The following PACSIN2 variants were observed in gnomAD, a reference collection of about 807,000 sequenced individuals.
PACSIN2 encodes protein kinase C and casein kinase substrate in neurons protein 2.
Under a neutral mutation model 63.8 loss-of-function variants are expected in PACSIN2, and 25 were observed. The observed-to-expected ratio is 0.39, with a 90% CI of 0.29 to 0.55. The LOEUF (loss-of-function observed/expected upper bound fraction) is 0.55, where lower values mean the gene tolerates loss of function less well. Ranked by LOEUF, PACSIN2 falls within the 20% of genes least tolerant of loss-of-function variation. PACSIN2 has a pLI of 0.62. For missense variants in PACSIN2, 518 were observed against 646.9 expected, an observed-to-expected ratio of 0.80 and a Z score of 2.16; for synonymous variants, 255 against 256.2, an observed-to-expected ratio of 1.00 and a Z score of 0.05.
chr22:42,892,767 G>A (rs994541542), intron 3 of PACSIN2, among the ~76,000 whole-genome samples: 12 of 152,180 alleles, frequency 7.9e-5, no homozygotes, highest in Non-Finnish European at 1.6e-4. Context: ...ATTGGCTGAG[G>A]ACAGCTGGGG....
intron 1 of PACSIN2, among the ~76,000 whole-genome samples, chr22:42,999,592 C>A (rs187273763): frequency 6.6e-6 from 1 of 152,130 alleles, no homozygotes; most frequent in East Asian, 1.9e-4. Context: ...CGCTTGAACC[C>A]GGGACGCGGA....
At chr22:42,970,758 A>G (rs1302090716) in intron 1 of PACSIN2, among the ~76,000 whole-genome samples, 1 of 152,230 alleles carries the variant, frequency 6.6e-6, no homozygotes, top group African/African-American at 2.4e-5. Flanking sequence ...GCACCTGGAA[A>G]GGAAGGCAGG....
At chr22:42,917,143 G>A (rs1295976081) in intron 1 of PACSIN2, among the ~76,000 whole-genome samples, 1 of 152,124 alleles carries the variant, frequency 6.6e-6, no homozygotes, top group Non-Finnish European at 1.5e-5. Flanking sequence ...TAGCGGTTTC[G>A]CCATGGGCAT....
intron 1 of PACSIN2, among the ~76,000 whole-genome samples, chr22:42,976,355 G>A (rs114363819): frequency 0.036 from 5,506 of 152,314 alleles, 129 homozygotes; most frequent in African/African-American, 0.061. Flanking sequence ...ACTGGCAAGC[G>A]CAGGCCTTAA....
intron 1 of PACSIN2, among the ~76,000 whole-genome samples, chr22:42,979,294 C>T (rs996609946): frequency 6.6e-6 from 1 of 152,072 alleles, no homozygotes; most frequent in African/African-American, 2.4e-5. Flanking sequence ...GAGGCAGAGG[C>T]AGGTGGATCA....
intron 1 of PACSIN2, among the ~76,000 whole-genome samples, chr22:42,943,829 A>C (rs953940522): frequency 6.6e-6 from 1 of 152,236 alleles, no homozygotes; most frequent in Non-Finnish European, 1.5e-5. Context: ...GGAAAACATG[A>C]ATGTGTCCAA....
At chr22:42,876,438 A>C (rs1863290052) in intron 9 of PACSIN2, 105 bp from the exon 10 acceptor site, 1 of 923,432 alleles carries the variant, frequency 1.1e-6, no homozygotes, top group Non-Finnish European at 1.7e-6. Flanking sequence ...CTCAGGGCTG[A>C]GGGCTCCTTC....
intron 1 of PACSIN2, among the ~76,000 whole-genome samples, chr22:42,947,269 C>T (rs939476310): frequency 1.3e-5 from 2 of 152,144 alleles, no homozygotes; most frequent in African/African-American, 4.8e-5. Flanking sequence ...AGGCCACCTT[C>T]GAGGTCTGCT....
intron 1 of PACSIN2, among the ~76,000 whole-genome samples, chr22:42,981,647 T>G (rs1302619426): frequency 6.5e-4 from 40 of 61,578 alleles, no homozygotes; most frequent in African/African-American, 7.2e-4. Flanking sequence ...GGGAGGGAGG[T>G]GGGGGGGTCA....
chr22:42,936,165 A>G (rs1050653066), intron 1 of PACSIN2, among the ~76,000 whole-genome samples: 2 of 151,828 alleles, frequency 1.3e-5, no homozygotes, highest in Non-Finnish European at 2.9e-5. Flanking sequence ...GCAGTGAGCC[A>G]AGATTGCGCC....
chr22:42,919,772 C>CAAAAAAAAA (rs761464603), intron 1 of PACSIN2, among the ~76,000 whole-genome samples: 8 of 48,778 alleles, frequency 1.6e-4, no homozygotes, highest in African/African-American at 3.1e-4. Context: ...GAACCTGTCT[C>CAAAAAAAAA]AAAAAAAAAA....
At chr22:42,936,385 A>C (rs1932919032) in intron 1 of PACSIN2, among the ~76,000 whole-genome samples, 1 of 152,104 alleles carries the variant, frequency 6.6e-6, no homozygotes, top group Admixed American at 6.5e-5. Context: ...GTGGAAGGAG[A>C]TGGAGCAGAA....
intron 10 of PACSIN2, among the ~76,000 whole-genome samples, chr22:42,872,056 G>A (rs79192562): frequency 0.011 from 1,610 of 152,320 alleles, 29 homozygotes; most frequent in African/African-American, 0.036. Context: ...AGCCCCTGGC[G>A]CTGTTCTGGA....
At chr22:42,919,963 C>T (rs1003327233) in intron 1 of PACSIN2, among the ~76,000 whole-genome samples, 4 of 150,886 alleles carry the variant, frequency 2.7e-5, no homozygotes, top group African/African-American at 9.7e-5. Flanking sequence ...GAAAAATTAG[C>T]CAGGGGTGGT....
intron 1 of PACSIN2, among the ~76,000 whole-genome samples, chr22:43,010,398 A>ATATATATATATATATTTTTTT: frequency 0.04 from 5,022 of 125,884 alleles, 211 homozygotes; most frequent in Non-Finnish European, 0.06. Flanking sequence ...ATATATATAT[A>ATATATATATATATATTTTTTT]TTTTTTTTTA....
chr22:42,992,053 T>C (rs151146297), intron 1 of PACSIN2, among the ~76,000 whole-genome samples: 7 of 152,180 alleles, frequency 4.6e-5, no homozygotes, highest in African/African-American at 1.4e-4. Context: ...CAAAAGATAC[T>C]GTTAAAAGAA....
chr22:43,007,374 C>T (rs896979142), intron 1 of PACSIN2, among the ~76,000 whole-genome samples: 2 of 152,136 alleles, frequency 1.3e-5, no homozygotes, highest in African/African-American at 4.8e-5. Flanking sequence ...AACCACCACG[C>T]CCAGCTAATT....
chr22:43,007,254 T>C (rs946932869), intron 1 of PACSIN2, among the ~76,000 whole-genome samples: 6 of 150,856 alleles, frequency 4.0e-5, no homozygotes. Flanking sequence ...TCTCGCTCTG[T>C]CACCCAGGCT....
chr22:42,914,761 A>G (rs1230448531), intron 1 of PACSIN2, among the ~76,000 whole-genome samples: 1 of 152,198 alleles, frequency 6.6e-6, no homozygotes, highest in East Asian at 1.9e-4. Context: ...CCGGACTGAG[A>G]GGCAGCTTGA....
Sources: gnomAD v4.1 joint callset for allele counts (sites outside exome capture counted in the v4.1 genomes callset) on GRCh38, gnomAD v4.1.1 for gene constraint, MANE v1.5 for transcripts, NCBI Gene and HGNC (gene_info 2026-07-23, HGNC 2026-07-21) for gene names.